PIK3CA: variants seen among roughly 807,000 people sequenced by gnomAD.
PIK3CA encodes phosphatidylinositol 4,5-bisphosphate 3-kinase catalytic subunit alpha isoform.
In PIK3CA, 27 loss-of-function variants were observed where a neutral mutation model predicts 138.2. That is an observed-to-expected ratio of 0.20 (90% CI 0.14 to 0.27). The LOEUF is 0.27. Among genes scored for constraint, PIK3CA ranks in the 10% least tolerant of loss-of-function variants. The pLI is 1.00. For missense variants in PIK3CA, 544 were observed against 1,277.4 expected, an observed-to-expected ratio of 0.43 and a Z score of 8.75; for synonymous variants, 358 against 413.2, an observed-to-expected ratio of 0.87 and a Z score of 1.62.
chr3:179,161,656 C>T (rs941071610), intron 1 of PIK3CA, among the ~76,000 whole-genome samples: 6 of 152,198 alleles, frequency 3.9e-5, no homozygotes, highest in Admixed American at 3.9e-4. Context: ...GAGATCACGC[C>T]ACTGCACTCC....
At chr3:179,199,934 A>G (rs1245520762) in intron 3 of PIK3CA, 35 bp downstream of exon 3, 2 of 1,266,554 alleles carry the variant, frequency 1.6e-6, no homozygotes, top group Non-Finnish European at 2.3e-6. Context: ...AATCATTACT[A>G]TAGTGCAGTC....
At chr3:179,227,068 A>G (rs753504611) in intron 17 of PIK3CA, among the ~76,000 whole-genome samples, 2 of 152,110 alleles carry the variant, frequency 1.3e-5, no homozygotes, top group Non-Finnish European at 2.9e-5. Context: ...GGTTAATTAC[A>G]TTGTTTAATT....
At chr3:179,231,219 C>CGTT (rs779940691) in intron 20 of PIK3CA, among the ~76,000 whole-genome samples, 6 of 152,098 alleles carry the variant, frequency 3.9e-5, no homozygotes, top group Non-Finnish European at 8.8e-5. Context: ...GGGTACTTAA[C>CGTT]GTTGGTTTCA....
At position 179,237,463 on chromosome 3, in the gene PIK3CA, T is replaced by C. The variant is rs1438361548; in HGVS notation, c.*3099T>C. On this transcript the variant is annotated 3_prime_UTR_variant, in exon 21 of 21. Coordinates refer to ENST00000263967, the MANE Select transcript of PIK3CA (RefSeq NM_006218.4). ...TTTTTCAACTGTGAAACTGACTTGATTTTTTGATGAAAACAGCTGCTGATA... is the reference window on the plus strand; with the variant it reads ...TTTTTCAACTGTGAAACTGACTTGACTTTTTGATGAAAACAGCTGCTGATA... The C allele has an allele frequency of 9.9e-6, 2 of 202,952 alleles. No homozygotes were observed. The highest frequency in any genetic ancestry group is 2.0e-5 in the Non-Finnish European group (2 of 98,754). The allele number at this position is 202,952 out of a possible 1,614,324, so 12.6% of individuals were successfully genotyped here. A position where few individuals can be genotyped will look rare whatever the true frequency, so the allele number is the denominator to read the frequency against.
At chr3:179,229,901 T>G (rs1725173805) in intron 18 of PIK3CA, 103 bp from the exon 19 acceptor site, 5 of 676,900 alleles carry the variant, frequency 7.4e-6, no homozygotes, top group Non-Finnish European at 1.2e-5. Flanking sequence ...TGTCAGTGAT[T>G]GTTTTCATTG....
intron 6 of PIK3CA, among the ~76,000 whole-genome samples, chr3:179,205,054 A>T (rs1724523064): frequency 7.5e-6 from 1 of 132,674 alleles, no homozygotes; most frequent in Admixed American, 7.6e-5. Context: ...AAAAAAAAAA[A>T]AATTAGCTAG....
chr3:179,191,136 T>TGAAA (rs1724124229), intron 1 of PIK3CA, among the ~76,000 whole-genome samples: 1 of 152,158 alleles, frequency 6.6e-6, no homozygotes, highest in Admixed American at 6.5e-5. Flanking sequence ...AGCCCTTTCT[T>TGAAA]CACTTGAGGA....
At chr3:179,231,776 G>T (rs1725218720) in intron 20 of PIK3CA, among the ~76,000 whole-genome samples, 1 of 151,338 alleles carries the variant, frequency 6.6e-6, no homozygotes, top group African/African-American at 2.4e-5. Context: ...CCAAGTAGCT[G>T]GGACTACAGG....
chr3:179,219,842 T>TAAA lies in PIK3CA; in HGVS notation c.1912-98_1912-96dup. On this transcript the variant is annotated intron_variant, in intron 12 of 20. Transcript: ENST00000263967. This position sits in a 1 kb window ranked among gnomAD's most constrained non-coding sequence, Gnocchi z 4.2. ...CTACTGCACTAACTAGTTTTATGCT[T>TAAA]AAAAAAAAAAATTATTACCAGTAAT... 1 of 1,290,544 alleles carries TAAA rather than the reference T, an allele frequency of 7.7e-7. No individual in the cohort carries two copies. The highest frequency in any genetic ancestry group is 1.0e-6 in the Non-Finnish European group (1 of 960,406). The allele number at this position is 1,290,544 out of a possible 1,614,324, so 79.9% of individuals were successfully genotyped here.
chr3:179,230,805 T>G lies in PIK3CA; in HGVS notation c.2936+429T>G, dbSNP rs1469983356. Among the ~76,000 whole-genome samples, 2 of 152,090 alleles carry G rather than the reference T, an allele frequency of 1.3e-5. No individual in the cohort carries two copies. Among genetic ancestry groups the G allele is most frequent in the African/African-American group, 4.8e-5 (2 of 41,434 alleles). ...GTTCTTTTACCACTTCAGCAAAAAC[T>G]ATTTTTTGTTTGTTTTTTATTCTAT... On this transcript the variant is annotated intron_variant, in intron 20 of 20. Transcript: ENST00000263967. The surrounding 1 kb of genome is among the most constrained non-coding windows in gnomAD (Gnocchi z 5.4).
chr3:179,206,076 A>G (rs1724551582), intron 6 of PIK3CA, among the ~76,000 whole-genome samples: 1 of 150,010 alleles, frequency 6.7e-6, no homozygotes, highest in Admixed American at 6.7e-5. Context: ...ACAACAAACA[A>G]CTTCAGGATC....
chr3:179,165,272 A>G (rs949381985), intron 1 of PIK3CA, among the ~76,000 whole-genome samples: 10 of 152,228 alleles, frequency 6.6e-5, no homozygotes, highest in African/African-American at 2.4e-4. Context: ...TATGACCTAT[A>G]TTGATGCTTC....
At position 179,224,701 on chromosome 3, in the gene PIK3CA, C is replaced by G. The variant is rs1485993106; in HGVS notation, c.2296C>G (p.Leu766Val). 1 of 1,600,196 alleles carries G rather than the reference C, an allele frequency of 6.2e-7. No homozygotes were observed. The highest frequency in any genetic ancestry group is 8.5e-7 in the Non-Finnish European group (1 of 1,169,970). ...GTAAAGTTTTTAACTATTTTAAAGG[C>G]TTGAAGAGTGTCGAATTATGTCCTC... is the stretch of plus-strand genomic sequence containing the variant. Reference protein sequence around the residue: ...NPAHQLGNLRLEECRIMSSAK... With the variant: ...NPAHQLGNLRVEECRIMSSAK... The change falls in exon 16 of 21, where the codon CTT becomes GTT. Residue 766 changes from leucine (L) to valine (V), a missense_variant and splice_region_variant. Transcript: ENST00000263967.
chr3:179,193,122 A>G (rs1268008618), intron 1 of PIK3CA, among the ~76,000 whole-genome samples: 1 of 152,234 alleles, frequency 6.6e-6, no homozygotes, highest in African/African-American at 2.4e-5. Context: ...GACCCAGTCC[A>G]TACCAACAAG....
At chr3:179,158,049 A>C (rs973965313) in intron 1 of PIK3CA, among the ~76,000 whole-genome samples, 5 of 152,078 alleles carry the variant, frequency 3.3e-5, no homozygotes, top group South Asian at 2.1e-4. Flanking sequence ...ACATTCATCC[A>C]TTTATTTGGG....
chr3:179,215,182 G>A (rs778592636), intron 9 of PIK3CA, among the ~76,000 whole-genome samples: 4 of 152,030 alleles, frequency 2.6e-5, no homozygotes, highest in Non-Finnish European at 2.9e-5. Context: ...TCAGTAAGGC[G>A]TTTACCACTA....
Position 179,204,583 on chromosome 3 carries a change from TC to T in PIK3CA, c.1143del (p.Arg382GlyfsTer6). 6.8e-7 allele frequency: 1 copy of T among 1,478,622 alleles called. No individual in the cohort carries two copies. Among genetic ancestry groups the T allele is most frequent in the Non-Finnish European group, 9.5e-7 (1 of 1,056,712 alleles). 91.6% of individuals were successfully genotyped at this position (1,478,622 alleles called of 1,614,324 possible). A position where few individuals can be genotyped will look rare whatever the true frequency, so the allele number is the denominator to read the frequency against. On this transcript the variant is annotated frameshift_variant, in exon 6 of 21. Coordinates refer to ENST00000263967, the MANE Select transcript of PIK3CA (RefSeq NM_006218.4). LOFTEE classifies it high-confidence loss of function. ...ACACTCAAAGAGTACCTTGTTCCAATCCCAGGTAAGGAAGTATATAGATTTA... is the reference window on the plus strand; with the variant it reads ...ACACTCAAAGAGTACCTTGTTCCAATCCAGGTAAGGAAGTATATAGATTTA... Reference protein sequence around the residue: ...VNTQRVPCSNPRWNEWLNYDI... With the variant: ...VNTQRVPCSNXRWNEWLNYDI...
At chr3:179,163,379 G>A (rs1165936007) in intron 1 of PIK3CA, among the ~76,000 whole-genome samples, 1 of 152,086 alleles carries the variant, frequency 6.6e-6, no homozygotes, top group Non-Finnish European at 1.5e-5. Flanking sequence ...TAAGATTGGG[G>A]CATGGCAATG....
In PIK3CA at chr3:179,237,657, T is replaced by C. The variant is rs1366247056; in HGVS notation, c.*3293T>C. 1.9e-5 allele frequency: 4 copies of C among 208,840 alleles called. No homozygotes were observed. The highest frequency in any genetic ancestry group is 3.9e-5 in the Non-Finnish European group (4 of 102,616). 12.9% of individuals were successfully genotyped at this position (208,840 alleles called of 1,614,324 possible). Reference sequence around the variant, plus strand: ...TCAAAAATCGAGTGATTTGGAATTATAAAAAAATTGTGAGCAGCCTATTTG... The same window carrying C: ...TCAAAAATCGAGTGATTTGGAATTACAAAAAAATTGTGAGCAGCCTATTTG... On this transcript the variant is annotated 3_prime_UTR_variant, in exon 21 of 21. Transcript: ENST00000263967.
Sources: gnomAD v4.1 joint callset for allele counts (sites outside exome capture counted in the v4.1 genomes callset) on GRCh38, gnomAD v4.1.1 for gene constraint, Gnocchi (gnomAD v3.1) non-coding constraint, MANE v1.5 for transcripts, NCBI Gene and HGNC (gene_info 2026-07-23, HGNC 2026-07-21) for gene names.